ZNF804B: variants seen among roughly 807,000 people sequenced by gnomAD.
The protein encoded by ZNF804B is zinc finger protein 804B.
A neutral mutation model predicts 101.4 loss-of-function variants in ZNF804B; 80 were observed. The observed-to-expected ratio is 0.79, with a 90% CI of 0.66 to 0.95. The LOEUF is 0.95. ZNF804B is among the 40% of genes least tolerant of loss of function. The pLI, the probability that ZNF804B is intolerant of heterozygous loss-of-function variation, is 0.00. For synonymous variants in ZNF804B, 622 were observed against 558.8 expected (o/e 1.11, Z -1.59); for missense variants, 1,673 against 1,561.9 (o/e 1.07, Z -1.20).
chr7:89,283,188 A>G (rs1790126502), intron 2 of ZNF804B, among the ~76,000 whole-genome samples: 1 of 152,170 alleles, frequency 6.6e-6, no homozygotes, highest in Admixed American at 6.5e-5. Context: ...CAATGTTGTC[A>G]TAAAAATTAT....
chr7:88,782,365 C>G (rs1488447738), intron 1 of ZNF804B, among the ~76,000 whole-genome samples: 1 of 152,040 alleles, frequency 6.6e-6, no homozygotes, highest in Non-Finnish European at 1.5e-5. Flanking sequence ...CTGTTAAACA[C>G]TGATAGTTAA....
intron 1 of ZNF804B, among the ~76,000 whole-genome samples, chr7:89,188,566 G>T (rs964181769): frequency 3.3e-5 from 5 of 152,122 alleles, no homozygotes; most frequent in Non-Finnish European, 7.4e-5. Context: ...TGCTGAAAGC[G>T]TGGCCACTTG....
At chr7:89,288,791 T>C (rs1790243134) in intron 2 of ZNF804B, among the ~76,000 whole-genome samples, 1 of 152,160 alleles carries the variant, frequency 6.6e-6, no homozygotes, top group South Asian at 2.1e-4. Flanking sequence ...TGTAGATGCA[T>C]GAACATGTAG....
intron 2 of ZNF804B, among the ~76,000 whole-genome samples, chr7:89,248,533 C>T (rs575633050): frequency 1.3e-5 from 2 of 151,146 alleles, no homozygotes; most frequent in Admixed American, 6.6e-5. Context: ...CATATCCTCC[C>T]AAACTAAGCT....
At chr7:89,310,384 A>G (rs57966176) in intron 2 of ZNF804B, among the ~76,000 whole-genome samples, 3,263 of 152,262 alleles carry the variant, frequency 0.021, 101 homozygotes, top group African/African-American at 0.074. Context: ...CTATCTTTAG[A>G]TTTAAAATAG....
intron 1 of ZNF804B, among the ~76,000 whole-genome samples, chr7:88,943,441 C>G (rs1447893513): frequency 1.3e-5 from 2 of 151,812 alleles, no homozygotes; most frequent in African/African-American, 4.8e-5. Context: ...TAGTATTTTT[C>G]TTTGTAATTT....
chr7:88,848,040 C>A (rs1052596133), intron 1 of ZNF804B, among the ~76,000 whole-genome samples: 8 of 152,078 alleles, frequency 5.3e-5, no homozygotes, highest in Admixed American at 5.2e-4. Flanking sequence ...GTGATTTTGC[C>A]CCCACAGGGA....
intron 1 of ZNF804B, among the ~76,000 whole-genome samples, chr7:88,898,659 A>G (rs1188214285): frequency 6.6e-6 from 1 of 152,000 alleles, no homozygotes; most frequent in Non-Finnish European, 1.5e-5. Flanking sequence ...CTCAGTCTTT[A>G]CCTTCCCCTT....
chr7:88,778,449 T>C (rs1790178861), intron 1 of ZNF804B, among the ~76,000 whole-genome samples: 1 of 152,216 alleles, frequency 6.6e-6, no homozygotes, highest in African/African-American at 2.4e-5. Flanking sequence ...TCTATGAAGA[T>C]CATTATTCTG....
intron 1 of ZNF804B, among the ~76,000 whole-genome samples, chr7:88,878,317 ATTT>A (rs1356461501): frequency 5.9e-5 from 9 of 152,068 alleles, no homozygotes; most frequent in Non-Finnish European, 7.4e-5. Context: ...AGATTGCCCT[ATTT>A]CCCTTTAGAA....
At chr7:89,228,746 C>T (rs1235046062) in intron 2 of ZNF804B, among the ~76,000 whole-genome samples, 1 of 152,210 alleles carries the variant, frequency 6.6e-6, no homozygotes, top group Non-Finnish European at 1.5e-5. Flanking sequence ...AGCTGCCTGC[C>T]AGTCCTGCAC....
At chr7:89,127,555 A>T (rs1202913647) in intron 1 of ZNF804B, among the ~76,000 whole-genome samples, 7 of 151,862 alleles carry the variant, frequency 4.6e-5, no homozygotes, top group Middle Eastern at 3.4e-3. Flanking sequence ...TTTTATATAA[A>T]ATCCTAGATG....
rs539954178 is a variant in ZNF804B, at chr7:89,026,772, C to G, written c.109-191383C>G. Among the ~76,000 whole-genome samples, 24 of 152,090 alleles carry G rather than the reference C, an allele frequency of 1.6e-4. No homozygotes were observed. The South Asian group carries it at 4.6e-3, about 29-fold the overall frequency. On this transcript the variant is annotated intron_variant, in intron 1 of 3. Transcript: ENST00000333190. The stretch of plus-strand genomic sequence containing the variant: ...GAGCAAACCCAGGAGAAGTGAGAAG[C>G]CTGTAATAAAAGATAGAAGTTCCAA...
intron 1 of ZNF804B, among the ~76,000 whole-genome samples, chr7:89,155,001 A>G (rs189664797): frequency 1.1e-3 from 162 of 152,188 alleles, no homozygotes; most frequent in Middle Eastern, 0.01. Context: ...GAAAAATGTG[A>G]TATGCTCCAT....
intron 1 of ZNF804B, among the ~76,000 whole-genome samples, chr7:89,083,661 A>C (rs1789730406): frequency 6.6e-6 from 1 of 151,920 alleles, no homozygotes; most frequent in African/African-American, 2.4e-5. Context: ...AAACCAATAT[A>C]AAAACAAAAT....
At chr7:89,291,469 T>C (rs1790290937) in intron 2 of ZNF804B, among the ~76,000 whole-genome samples, 1 of 152,144 alleles carries the variant, frequency 6.6e-6, no homozygotes, top group Non-Finnish European at 1.5e-5. Flanking sequence ...ATTCTTTAGT[T>C]GAAAAATGCA....
At chr7:89,046,719 G>A (rs1409156661) in intron 1 of ZNF804B, among the ~76,000 whole-genome samples, 2 of 152,154 alleles carry the variant, frequency 1.3e-5, no homozygotes, top group Middle Eastern at 3.4e-3. Flanking sequence ...AAAAAAGGAA[G>A]CGGAAAGTTT....
chr7:88,911,920 GT>G (rs1157444750), intron 1 of ZNF804B, among the ~76,000 whole-genome samples: 1 of 151,500 alleles, frequency 6.6e-6, no homozygotes, highest in Admixed American at 6.6e-5. Flanking sequence ...TAAGTGACAT[GT>G]TTTTAAAGTT....
intron 1 of ZNF804B, among the ~76,000 whole-genome samples, chr7:88,803,781 C>A (rs1790643963): frequency 6.6e-6 from 1 of 151,954 alleles, no homozygotes; most frequent in Non-Finnish European, 1.5e-5. Context: ...GAAGTCTGGA[C>A]TTATGATGAA....
Sources: allele counts gnomAD v4.1 joint callset (sites outside exome capture counted in the v4.1 genomes callset), GRCh38; gene constraint gnomAD v4.1.1; transcripts MANE v1.5; gene names NCBI Gene and HGNC (gene_info 2026-07-23, HGNC 2026-07-21).